Variants in PRKCZ observed in about 807,000 individuals in gnomAD.
The protein encoded by PRKCZ is protein kinase C zeta.
PRKCZ carries 33 observed loss-of-function variants against 79.5 expected under a neutral mutation model. The observed-to-expected ratio is 0.41, with a 90% CI of 0.31 to 0.55. The LOEUF (loss-of-function observed/expected upper bound fraction) is 0.55, where lower values mean the gene tolerates loss of function less well. Among genes scored for constraint, PRKCZ ranks in the 20% least tolerant of loss-of-function variants. The pLI, the probability that PRKCZ is intolerant of heterozygous loss-of-function variation, is 0.19. For synonymous variants in PRKCZ, 342 were observed against 320.9 expected (o/e 1.07, Z -0.70); for missense variants, 578 against 813.5 (o/e 0.71, Z 3.52).
intron 4 of PRKCZ, among the ~76,000 whole-genome samples, chr1:2,105,809 A>G (rs899167570): frequency 8.5e-5 from 13 of 152,210 alleles, no homozygotes; most frequent in Non-Finnish European, 1.8e-4. Context: ...GCTGTGGGTG[A>G]TGACCAGGTG....
chr1:2,155,273 GGTGGTGATGATGATGGTA>G (rs1056345615), intron 9 of PRKCZ, among the ~76,000 whole-genome samples: 2 of 147,298 alleles, frequency 1.4e-5, no homozygotes, highest in African/African-American at 5.3e-5. Context: ...GGATGACGGT[GGTGGTGATGATGATGGTA>G]GTGGTGATGA....
Position 2,165,828 on chromosome 1 carries a change from G to C in PRKCZ, c.975-3690G>C, listed in dbSNP as rs938702612. On this transcript the variant is annotated intron_variant, in intron 10 of 17. Transcript: ENST00000378567. The surrounding 1 kb of genome is among the most constrained non-coding windows in gnomAD (Gnocchi z 4.1). ...GGCACCTTGCATTCCTGGAAGGGGT[G>C]GGGGGAGTGGCGAGGAGGGGGCGGC... Among the ~76,000 whole-genome samples, 11 of 152,120 alleles carry C rather than the reference G, an allele frequency of 7.2e-5. No homozygotes were observed. In the South Asian group the frequency reaches 1.2e-3, roughly 17 times the overall value.
intron 10 of PRKCZ, among the ~76,000 whole-genome samples, chr1:2,160,041 A>AT (rs1464184219): frequency 2.6e-5 from 4 of 152,220 alleles, no homozygotes; most frequent in Non-Finnish European, 4.4e-5. Flanking sequence ...CTGTTCTAAA[A>AT]TAAAATCTCT....
chr1:2,060,035 GC>G (rs1660530100), intron 4 of PRKCZ, among the ~76,000 whole-genome samples: 1 of 152,212 alleles, frequency 6.6e-6, no homozygotes, highest in Non-Finnish European at 1.5e-5. Flanking sequence ...AGTCCCGGGG[GC>G]TGTGGCTTCA....
chr1:2,068,401 C>T (rs13303005), intron 4 of PRKCZ, among the ~76,000 whole-genome samples: 17,816 of 152,286 alleles, frequency 0.12, 1,165 homozygotes, highest in Middle Eastern at 0.16. Flanking sequence ...CCACCCAGCT[C>T]TGGGGCTGCT....
Position 2,059,660 on chromosome 1 carries a change from G to T in PRKCZ, c.334+69G>T, listed in dbSNP as rs184821489. ...TTGAACTGTTGATCCGTTGTGCCACGGAGGTGGCAGTGGTGCCGTTTTCGG... is the reference window on the plus strand; with the variant it reads ...TTGAACTGTTGATCCGTTGTGCCACTGAGGTGGCAGTGGTGCCGTTTTCGG... On this transcript the variant is annotated intron_variant, in intron 4 of 17. Transcript: ENST00000378567. The T allele has an allele frequency of 2.5e-5, 40 of 1,584,768 alleles. No individual in the cohort carries two copies. The East Asian group carries it at 8.5e-4, about 34-fold the overall frequency.
intron 4 of PRKCZ, among the ~76,000 whole-genome samples, chr1:2,114,282 G>A (rs1286507904): frequency 6.6e-6 from 1 of 152,192 alleles, no homozygotes; most frequent in African/African-American, 2.4e-5. Context: ...GGTAGCCCAA[G>A]CACAGTGTCC....
At chr1:2,108,098 G>A (rs913843773) in intron 4 of PRKCZ, among the ~76,000 whole-genome samples, 2 of 152,246 alleles carry the variant, frequency 1.3e-5, no homozygotes, top group African/African-American at 4.8e-5. Flanking sequence ...AGAGAAGTCA[G>A]GTAGCCCAGG....
intron 4 of PRKCZ, among the ~76,000 whole-genome samples, chr1:2,131,843 G>A (rs936129069): frequency 2.0e-5 from 3 of 152,192 alleles, no homozygotes; most frequent in Non-Finnish European, 4.4e-5. Context: ...AGAGAGTCTC[G>A]CTCTGTCGCC....
intron 5 of PRKCZ, among the ~76,000 whole-genome samples, chr1:2,136,895 T>C (rs1288552923): frequency 6.6e-6 from 1 of 152,106 alleles, no homozygotes; most frequent in Non-Finnish European, 1.5e-5. Flanking sequence ...AACGAAGGTG[T>C]CTTTATGAGT....
At chr1:2,068,423 A>G (rs1335286494) in intron 4 of PRKCZ, among the ~76,000 whole-genome samples, 2 of 152,112 alleles carry the variant, frequency 1.3e-5, no homozygotes, top group Non-Finnish European at 2.9e-5. Context: ...TCAACTCTTG[A>G]TTTGTAGACA....
chr1:2,101,340 G>T (rs1022690089), intron 4 of PRKCZ, among the ~76,000 whole-genome samples: 3 of 152,118 alleles, frequency 2.0e-5, no homozygotes, highest in African/African-American at 7.2e-5. Context: ...AGGCCAGCGG[G>T]CATCTCCCCT....
chr1:2,063,069 T>C (rs28820884), intron 4 of PRKCZ, among the ~76,000 whole-genome samples: 5,657 of 152,186 alleles, frequency 0.037, 454 homozygotes, highest in East Asian at 0.34. Context: ...CACCATGTCC[T>C]CAAGGCGCAG....
chr1:2,081,105 C>A (rs373627079), intron 4 of PRKCZ, among the ~76,000 whole-genome samples: 1 of 152,194 alleles, frequency 6.6e-6, no homozygotes, highest in Non-Finnish European at 1.5e-5. Flanking sequence ...GTGAGGCGTG[C>A]GTGGCCCACA....
chr1:2,141,014 G>A (rs1677206186), intron 5 of PRKCZ: 1 of 152,270 alleles, frequency 6.6e-6, no homozygotes, highest in South Asian at 2.1e-4. Context: ...CAGCATGTAA[G>A]ACGTACTTAA....
At chr1:2,150,078 C>T (rs262671) in intron 8 of PRKCZ, among the ~76,000 whole-genome samples, 2 of 146,870 alleles carry the variant, frequency 1.4e-5, no homozygotes, top group Non-Finnish European at 3.0e-5. Flanking sequence ...AGGAGAATGG[C>T]GTGAACCCGG....
chr1:2,146,117 T>A lies in PRKCZ; in HGVS notation c.634+9T>A. On this transcript the variant is annotated intron_variant, in intron 7 of 17. Coordinates refer to ENST00000378567, the MANE Select transcript of PRKCZ (RefSeq NM_002744.6). Reference sequence around the variant, plus strand: ...CGAGGAGACAGATGGAAGTAGGCGCTGCTTTCTTCCGGCCGGGTAGAGCCT... The same window carrying A: ...CGAGGAGACAGATGGAAGTAGGCGCAGCTTTCTTCCGGCCGGGTAGAGCCT... 1 of 1,611,330 alleles carries A rather than the reference T, an allele frequency of 6.2e-7. No homozygotes were observed. The highest frequency in any genetic ancestry group is 1.1e-5 in the South Asian group (1 of 91,024).
rs573941244 is a variant in PRKCZ at position 2,080,108 on chromosome 1, C to G, written c.334+20517C>G. ...ACAGTCTCCTGGTGGCCACGGGGCC[C>G]TCTGCCTTCCAGGTCCCAGGGCATC... On this transcript the variant is annotated intron_variant, in intron 4 of 17. Transcript: ENST00000378567. 3.9e-5 allele frequency among the ~76,000 whole-genome samples: 6 copies of G among 152,342 alleles called. No homozygotes were observed. The East Asian group carries it at 1.2e-3, about 29-fold the overall frequency.
chr1:2,062,055 G>A (rs917829298), intron 4 of PRKCZ, among the ~76,000 whole-genome samples: 17 of 152,326 alleles, frequency 1.1e-4, no homozygotes, highest in Middle Eastern at 3.4e-3. Flanking sequence ...CGGCTGTACC[G>A]TGGGCCTGGT....
Sources: gnomAD v4.1 joint callset for allele counts (sites outside exome capture counted in the v4.1 genomes callset) on GRCh38, gnomAD v4.1.1 for gene constraint, Gnocchi (gnomAD v3.1) non-coding constraint, MANE v1.5 for transcripts, NCBI Gene and HGNC (gene_info 2026-07-23, HGNC 2026-07-21) for gene names.